The following MID1 variants were observed in gnomAD, a reference collection of about 807,000 sequenced individuals.
MID1 encodes midline 1.
In MID1, 7 loss-of-function variants were observed where a neutral mutation model predicts 40.4. The observed-to-expected ratio is 0.17, with a 90% CI of 0.10 to 0.33. The LOEUF (loss-of-function observed/expected upper bound fraction) is 0.33. Ranked by LOEUF, MID1 falls within the 10% of genes least tolerant of loss-of-function variation. MID1 has a pLI of 1.00. For missense variants in MID1, 367 were observed against 558.5 expected, an observed-to-expected ratio of 0.66 and a Z score of 3.46; for synonymous variants, 229 against 221.2, an observed-to-expected ratio of 1.04 and a Z score of -0.31.
intron 1 of MID1, among the ~76,000 whole-genome samples, chrX:10,757,211 G>A (rs2043637985): frequency 8.9e-6 from 1 of 112,375 alleles, no homozygotes. Flanking sequence ...GCTGCTGCTA[G>A]TGCAAGGATC....
At chrX:10,739,582 A>G (rs2147108218) in intron 1 of MID1, among the ~76,000 whole-genome samples, 1 of 111,981 alleles carries the variant, frequency 8.9e-6, no homozygotes, top group East Asian at 2.8e-4. Context: ...AAATATTCTC[A>G]TAGAATATCA....
chrX:10,816,875 G>A (rs912507732), intron 1 of MID1, among the ~76,000 whole-genome samples: 13 of 111,947 alleles, frequency 1.2e-4, no homozygotes, highest in Non-Finnish European at 1.7e-4. Flanking sequence ...CCTTTCAAAA[G>A]GGTTTGTCAT....
chrX:10,481,280 G>T (rs2147297119), intron 5 of MID1, among the ~76,000 whole-genome samples: 1 of 111,642 alleles, frequency 9.0e-6, no homozygotes, highest in African/African-American at 3.3e-5. Context: ...GAGCTCTCTG[G>T]GGTCTTCTAG....
At chrX:10,593,762 G>GACACACACAC (rs57390547) in intron 1 of MID1, among the ~76,000 whole-genome samples, 1,521 of 83,293 alleles carry the variant, frequency 0.018, 21 homozygotes, top group African/African-American at 0.028. Flanking sequence ...CTGTCCCTCT[G>GACACACACAC]ACACACACAC....
At chrX:10,623,083 C>CAAAAAAAAAAAAAA (rs763054366), upstream of MID1, among the ~76,000 whole-genome samples, 97 of 32,505 alleles carry the variant, frequency 3.0e-3, 1 homozygote, top group African/African-American at 9.0e-3. Flanking sequence ...GCTGTCTCTA[C>CAAAAAAAAAAAAAA]AAAAAAAAAA....
At chrX:10,833,095 T>C (rs762846876) in intron 1 of MID1, among the ~76,000 whole-genome samples, 70 of 112,556 alleles carry the variant, frequency 6.2e-4, no homozygotes, top group African/African-American at 2.2e-3. Flanking sequence ...ATTTTGCTGC[T>C]GCGTGAATGA....
At chrX:10,506,422 C>A (rs1004450859) in intron 3 of MID1, 1 of 842,830 alleles carries the variant, frequency 1.2e-6, no homozygotes, top group African/African-American at 2.0e-5. Flanking sequence ...TTACCAAGAC[C>A]ACCTTGGGCA....
chrX:10,523,431 C>CT (rs1441755221), intron 2 of MID1, among the ~76,000 whole-genome samples: 1 of 111,825 alleles, frequency 8.9e-6, no homozygotes, highest in East Asian at 2.8e-4. Flanking sequence ...CTCAGGGATA[C>CT]TTAACAGAAT....
intron 5 of MID1, among the ~76,000 whole-genome samples, chrX:10,476,141 T>C (rs1475080890): frequency 1.8e-5 from 2 of 111,773 alleles, no homozygotes; most frequent in Non-Finnish European, 3.8e-5. Context: ...TATGATCCAT[T>C]TGTATGAAAT....
chrX:10,529,391 A>T (rs1932898938), intron 2 of MID1, among the ~76,000 whole-genome samples: 1 of 112,254 alleles, frequency 8.9e-6, no homozygotes, highest in Admixed American at 9.4e-5. Flanking sequence ...CAGCTTTCTC[A>T]TGATGTGATT....
intron 5 of MID1, among the ~76,000 whole-genome samples, chrX:10,476,565 T>C (rs1930024656): frequency 8.9e-6 from 1 of 111,888 alleles, no homozygotes; most frequent in African/African-American, 3.2e-5. Context: ...ATACAGTTTC[T>C]ATAGTTGTAT....
intron 1 of MID1, among the ~76,000 whole-genome samples, chrX:10,806,532 G>A (rs917893074): frequency 4.5e-5 from 5 of 111,812 alleles, no homozygotes; most frequent in African/African-American, 6.5e-5. Context: ...TTAAGAGGGC[G>A]GGATTGATGA....
At chrX:10,824,696 A>G (rs2044203146) in intron 1 of MID1, among the ~76,000 whole-genome samples, 1 of 112,189 alleles carries the variant, frequency 8.9e-6, no homozygotes, top group Non-Finnish European at 1.9e-5. Flanking sequence ...CATTTGTGCT[A>G]ACATGGGTCA....
intron 1 of MID1, among the ~76,000 whole-genome samples, chrX:10,737,717 A>C (rs1419406696): frequency 9.1e-6 from 1 of 109,840 alleles, no homozygotes; most frequent in African/African-American, 3.3e-5. Flanking sequence ...GTCAGAGAGG[A>C]GGGAGGAAAG....
intron 2 of MID1, among the ~76,000 whole-genome samples, chrX:10,545,779 CT>C (rs1283395365): frequency 3.6e-5 from 4 of 111,532 alleles, no homozygotes; most frequent in Non-Finnish European, 7.5e-5. Context: ...GGAAACATAC[CT>C]ATTTGAAAGC....
chrX:10,608,354 T>C (rs1035767024), intron 1 of MID1, among the ~76,000 whole-genome samples: 4 of 111,973 alleles, frequency 3.6e-5, no homozygotes, highest in Admixed American at 2.8e-4. Flanking sequence ...CTTAAACAAG[T>C]TGATGATTAA....
At chrX:10,530,313 A>G (rs2147383357) in intron 2 of MID1, among the ~76,000 whole-genome samples, 1 of 111,566 alleles carries the variant, frequency 9.0e-6, no homozygotes, top group East Asian at 2.8e-4. Context: ...GAGGTTTACG[A>G]CTTGGTGGCA....
chrX:10,764,385 G>A (rs959660267), intron 1 of MID1, among the ~76,000 whole-genome samples: 16 of 111,323 alleles, frequency 1.4e-4, no homozygotes, highest in African/African-American at 4.6e-4. Context: ...TTCTACATAC[G>A]ACTAGTTACA....
In MID1 at chrX:10,620,448, CCTCTTTTTCTTT is replaced by C. The variant is rs937690696; in HGVS notation, c.-227_-216del. On this transcript the variant is annotated 5_prime_UTR_variant, in exon 1 of 10. Coordinates refer to ENST00000317552, the MANE Select transcript of MID1 (RefSeq NM_000381.4). ...CGGGCAGCAAAGAGCACGTTTTCGT[CCTCTTTTTCTTT>C]GATCTGTTGCTACACGCACTCTGCT... is the stretch of plus-strand genomic sequence containing the variant. The C allele has an allele frequency of 8.8e-6, 1 of 113,001 alleles. No homozygotes were observed. Among genetic ancestry groups the C allele is most frequent in the Admixed American group, 9.3e-5 (1 of 10,734 alleles). The allele number at this position is 113,001 out of a possible 1,213,427, so 9.3% of individuals were successfully genotyped here.
Sources: allele counts gnomAD v4.1 joint callset (sites outside exome capture counted in the v4.1 genomes callset), GRCh38; gene constraint gnomAD v4.1.1; transcripts MANE v1.5; gene names NCBI Gene and HGNC (gene_info 2026-07-23, HGNC 2026-07-21).